Variants in PLXNA2 observed in about 807,000 individuals in gnomAD.
PLXNA2 encodes the protein plexin-A2.
Under a neutral mutation model 193.5 loss-of-function variants are expected in PLXNA2, and 91 were observed. The observed-to-expected ratio is 0.47, with a 90% CI of 0.40 to 0.56. The LOEUF is 0.56. PLXNA2 is among the 20% of genes least tolerant of loss of function. The pLI is 0.00. For synonymous variants in PLXNA2, 997 were observed against 1,027.3 expected (o/e 0.97, Z 0.56); for missense variants, 1,995 against 2,503.2 (o/e 0.80, Z 4.33).
Position 208,027,272 on chromosome 1 carries a change from G to A in PLXNA2, c.5656C>T (p.Leu1886Phe). The A allele has an allele frequency of 6.2e-7, 1 of 1,613,726 alleles. No individual in the cohort carries two copies. Among genetic ancestry groups the A allele is most frequent in the African/African-American group, 1.3e-5 (1 of 75,050 alleles). Residue 1886 changes from leucine to phenylalanine, a missense_variant, in exon 32 of 32, where the codon CTC becomes TTC. By Grantham distance (22) the Leu-to-Phe change is conservative. Coordinates refer to ENST00000367033, the MANE Select transcript of PLXNA2 (RefSeq NM_025179.4). ...RQRLAYKVEQ[L>F]INAMSIES Reference sequence around the variant, plus strand: ...CTCTCAATGGACATGGCATTAATGAGCTGCTCCACCTTATAAGCCAGCCGC... The same window carrying A: ...CTCTCAATGGACATGGCATTAATGAACTGCTCCACCTTATAAGCCAGCCGC...
intron 4 of PLXNA2, among the ~76,000 whole-genome samples, chr1:208,104,587 A>C (rs1260732079): frequency 6.6e-6 from 1 of 152,174 alleles, no homozygotes; most frequent in Non-Finnish European, 1.5e-5. Flanking sequence ...AGACCTGGAA[A>C]GACATGCCAA....
At chr1:208,125,893 G>T (rs1397459862) in intron 4 of PLXNA2, among the ~76,000 whole-genome samples, 1 of 152,220 alleles carries the variant, frequency 6.6e-6, no homozygotes. Context: ...AAGAGTTAGA[G>T]AAATTCAGAG....
chr1:208,143,824 G>T (rs989802382), intron 3 of PLXNA2, among the ~76,000 whole-genome samples: 2 of 151,678 alleles, frequency 1.3e-5, no homozygotes, highest in Non-Finnish European at 2.9e-5. Context: ...TACTCGAATT[G>T]TTCTCTAATT....
intron 9 of PLXNA2, among the ~76,000 whole-genome samples, chr1:208,087,039 G>C (rs1186738554): frequency 6.6e-6 from 1 of 151,320 alleles, no homozygotes; most frequent in Non-Finnish European, 1.5e-5. Flanking sequence ...CAGAGAGACA[G>C]AGAGAAAGAG....
intron 4 of PLXNA2, among the ~76,000 whole-genome samples, chr1:208,130,827 T>C (rs566641954): frequency 2.0e-5 from 3 of 152,328 alleles, no homozygotes; most frequent in East Asian, 1.9e-4. Flanking sequence ...AGAAACCTTA[T>C]CTGACAGACA....
At chr1:208,168,962 A>G (rs1239800112) in intron 3 of PLXNA2, among the ~76,000 whole-genome samples, 1 of 151,818 alleles carries the variant, frequency 6.6e-6, no homozygotes. Context: ...CTCCACCCCC[A>G]TATTCATTTC....
intron 4 of PLXNA2, among the ~76,000 whole-genome samples, chr1:208,107,210 A>G (rs1667297329): frequency 6.6e-6 from 1 of 152,224 alleles, no homozygotes; most frequent in Admixed American, 6.5e-5. Context: ...GCACTAAATC[A>G]GAAACACTGG....
At chr1:208,153,166 T>C (rs930835070) in intron 3 of PLXNA2, among the ~76,000 whole-genome samples, 7 of 152,234 alleles carry the variant, frequency 4.6e-5, no homozygotes, top group African/African-American at 1.7e-4. Flanking sequence ...AGTAGAACTT[T>C]ACTCATGGCT....
chr1:208,043,286 C>T (rs1362047214), intron 20 of PLXNA2, 83 bp from the exon 21 acceptor site: 37 of 1,376,870 alleles, frequency 2.7e-5, no homozygotes, highest in Non-Finnish European at 3.5e-5. Context: ...TTGCAAAGGA[C>T]GAGGGGAGGA....
chr1:208,201,638 A>C (rs1267849006), intron 3 of PLXNA2, among the ~76,000 whole-genome samples: 1 of 152,176 alleles, frequency 6.6e-6, no homozygotes, highest in Admixed American at 6.5e-5. Flanking sequence ...AGATATCAGT[A>C]ATAATAGAAA....
chr1:208,076,642 C>T (rs561250460), intron 12 of PLXNA2, among the ~76,000 whole-genome samples: 2 of 152,202 alleles, frequency 1.3e-5, no homozygotes, highest in South Asian at 4.2e-4. Context: ...GGACATTCTA[C>T]AAAATAACTA....
At chr1:208,071,979 A>C (rs926882574) in intron 12 of PLXNA2, among the ~76,000 whole-genome samples, 3 of 152,196 alleles carry the variant, frequency 2.0e-5, no homozygotes, top group African/African-American at 7.2e-5. Flanking sequence ...ATGCATTTGC[A>C]TCTGAGAGAA....
chr1:208,136,109 A>AG (rs1023935460), intron 4 of PLXNA2, among the ~76,000 whole-genome samples: 4 of 152,142 alleles, frequency 2.6e-5, no homozygotes, highest in African/African-American at 9.7e-5. Flanking sequence ...CCAGACATGT[A>AG]GGGGGAGAAG....
At chr1:208,085,174 G>C (rs1666476527) in intron 9 of PLXNA2, among the ~76,000 whole-genome samples, 2 of 152,100 alleles carry the variant, frequency 1.3e-5, no homozygotes, top group South Asian at 4.2e-4. Context: ...GAAAGTCTTG[G>C]TAGGGAGGGG....
intron 3 of PLXNA2, among the ~76,000 whole-genome samples, chr1:208,172,750 C>G (rs1669533402): frequency 6.6e-6 from 1 of 152,148 alleles, no homozygotes; most frequent in Admixed American, 6.5e-5. Flanking sequence ...ACCTGGGAGT[C>G]CCTGCAGGAG....
At chr1:208,100,794 G>C (rs182122310) in intron 5 of PLXNA2, among the ~76,000 whole-genome samples, 1 of 152,158 alleles carries the variant, frequency 6.6e-6, no homozygotes, top group African/African-American at 2.4e-5. Flanking sequence ...TCTTCATCTC[G>C]GGCTCTAGGC....
At position 208,051,114 on chromosome 1, in the gene PLXNA2, C is replaced by T; in HGVS notation, c.3162-12G>A. ...GGGGTGTGTGGCCACTGAAAACAGG[C>T]AGAGGCTCGGTTAGGTAAAAAACCC... On this transcript the variant is annotated splice_polypyrimidine_tract_variant and intron_variant, in intron 16 of 31. Coordinates refer to ENST00000367033, the MANE Select transcript of PLXNA2 (RefSeq NM_025179.4). 1 of 1,611,998 alleles carries T rather than the reference C, an allele frequency of 6.2e-7. No individual in the cohort carries two copies. Among genetic ancestry groups the T allele is most frequent in the Middle Eastern group, 1.7e-4 (1 of 6,060 alleles).
intron 12 of PLXNA2, among the ~76,000 whole-genome samples, chr1:208,078,666 C>T (rs1332815074): frequency 6.6e-6 from 1 of 152,170 alleles, no homozygotes. Flanking sequence ...CAAGCAATTG[C>T]ATTTTCATCC....
At chr1:208,049,622 A>T (rs1489707902) in intron 17 of PLXNA2, among the ~76,000 whole-genome samples, 2 of 152,158 alleles carry the variant, frequency 1.3e-5, no homozygotes, top group African/African-American at 4.8e-5. Flanking sequence ...AAGAGTCTGG[A>T]TGTTTGGGAT....
Sources: allele counts gnomAD v4.1 joint callset (sites outside exome capture counted in the v4.1 genomes callset), GRCh38; gene constraint gnomAD v4.1.1; transcripts MANE v1.5; gene names NCBI Gene and HGNC (gene_info 2026-07-23, HGNC 2026-07-21).